Variants in MTR observed in about 807,000 individuals in gnomAD.
The protein encoded by MTR is methionine synthase.
A neutral mutation model predicts 154.8 loss-of-function variants in MTR; 84 were observed. The ratio of observed to expected loss-of-function variants is 0.54; its 90% CI spans 0.45 to 0.65. MTR has a LOEUF of 0.65. Among genes scored for constraint, MTR ranks in the 30% least tolerant of loss-of-function variants. The pLI, the probability that MTR is intolerant of heterozygous loss-of-function variation, is 0.00. For synonymous variants in MTR, 554 were observed against 553.9 expected (o/e 1.00, Z 0.00); for missense variants, 1,275 against 1,570.2 (o/e 0.81, Z 3.18).
intron 11 of MTR, among the ~76,000 whole-genome samples, chr1:236,827,990 T>TA (rs1418540177): frequency 6.6e-6 from 1 of 152,032 alleles, no homozygotes; most frequent in Admixed American, 6.6e-5. Context: ...TATATATATA[T>TA]TTTTTGGGAT....
intron 1 of MTR, among the ~76,000 whole-genome samples, chr1:236,798,493 A>G (rs928127026): frequency 2.0e-5 from 3 of 152,188 alleles, no homozygotes; most frequent in African/African-American, 7.2e-5. Flanking sequence ...GGGCACGGAA[A>G]AAAACCCCAC....
At chr1:236,815,523 G>T in intron 6 of MTR, 81 bp from the exon 7 acceptor site, 1 of 1,356,874 alleles carries the variant, frequency 7.4e-7, no homozygotes. Flanking sequence ...TCTTAGAAAA[G>T]GGTGCATTCT....
At chr1:236,882,224 T>A (rs150460200) in intron 25 of MTR, among the ~76,000 whole-genome samples, 231 of 152,310 alleles carry the variant, frequency 1.5e-3, no homozygotes, top group African/African-American at 5.4e-3. Context: ...TGGGCCTCTT[T>A]TTAACACTTG....
chr1:236,825,226 G>T, intron 9 of MTR, 112 bp from the exon 10 acceptor site: 3 of 531,678 alleles, frequency 5.6e-6, no homozygotes, highest in East Asian at 5.0e-5. Flanking sequence ...TTTGCAAGTA[G>T]TCACCATTTA....
At chr1:236,866,349 C>A (rs1040637682) in intron 22 of MTR, among the ~76,000 whole-genome samples, 1 of 152,042 alleles carries the variant, frequency 6.6e-6, no homozygotes, top group African/African-American at 2.4e-5. Context: ...TACCATGAAC[C>A]ACACCCATAG....
chr1:236,850,270 A>C (rs926017285), intron 15 of MTR, 74 bp from the exon 16 acceptor site: 2 of 934,846 alleles, frequency 2.1e-6, no homozygotes, highest in Non-Finnish European at 2.9e-6. Context: ...AAAATAAAAT[A>C]ACAGGTATTT....
intron 12 of MTR, among the ~76,000 whole-genome samples, chr1:236,829,767 C>T (rs1662503962): frequency 6.6e-6 from 1 of 152,168 alleles, no homozygotes; most frequent in Admixed American, 6.5e-5. Context: ...TGGTTCTCAA[C>T]AATCCTTTGA....
chr1:236,893,082 A>T (rs1180467369), intron 29 of MTR, among the ~76,000 whole-genome samples: 1 of 152,058 alleles, frequency 6.6e-6, no homozygotes, highest in Non-Finnish European at 1.5e-5. Context: ...GTAGGCTCTG[A>T]TTGCTGTCTC....
rs184158985 is a variant in MTR, at chr1:236,861,102, T to C, written c.2044-23T>C. The C allele has an allele frequency of 1.0e-3, 1,550 of 1,494,294 alleles. 17 individuals carry two copies. In the African/African-American group the frequency reaches 0.02, roughly 19 times the overall value. The allele number at this position is 1,494,294 out of a possible 1,614,324, so 92.6% of individuals were successfully genotyped here. On this transcript the variant is annotated intron_variant, in intron 19 of 32. Transcript: ENST00000366577. ...TTTTTTCTTTCTTTCTTTTTCTTTT[T>C]TTTTTTTTTTTGTCTTTTTTAGGGC...
chr1:236,824,262 CAT>C (rs765460416), intron 9 of MTR, 43 bp downstream of exon 9: 5 of 1,455,086 alleles, frequency 3.4e-6, no homozygotes, highest in Non-Finnish European at 4.8e-6. Context: ...ATAAAAATAA[CAT>C]AAGACATGGC....
At chr1:236,831,604 C>T (rs1056328285) in intron 12 of MTR, among the ~76,000 whole-genome samples, 1 of 152,228 alleles carries the variant, frequency 6.6e-6, no homozygotes, top group Non-Finnish European at 1.5e-5. Context: ...ACCCCTCTTT[C>T]AATTCTAACT....
chr1:236,838,213 A>G (rs1435774566), intron 14 of MTR, among the ~76,000 whole-genome samples: 2 of 152,260 alleles, frequency 1.3e-5, no homozygotes, highest in East Asian at 3.8e-4. Flanking sequence ...TGGCCCATGC[A>G]TGGAGTATCT....
At chr1:236,821,103 G>A (rs1027349650) in intron 8 of MTR, among the ~76,000 whole-genome samples, 10 of 152,220 alleles carry the variant, frequency 6.6e-5, no homozygotes, top group African/African-American at 2.4e-4. Context: ...ATAAAGAAAA[G>A]AGATTTATTT....
At chr1:236,815,339 A>T (rs1245479547) in intron 6 of MTR, among the ~76,000 whole-genome samples, 1 of 152,192 alleles carries the variant, frequency 6.6e-6, no homozygotes, top group African/African-American at 2.4e-5. Flanking sequence ...GGAAGAAAGA[A>T]TACCCCTTCA....
At chr1:236,862,757 G>A (rs1001210546) in intron 21 of MTR, among the ~76,000 whole-genome samples, 2 of 152,130 alleles carry the variant, frequency 1.3e-5, no homozygotes, top group African/African-American at 4.8e-5. Flanking sequence ...CTTTCTGCTG[G>A]TGATGTCCTT....
chr1:236,811,555 T>C, intron 5 of MTR: 2 of 455,438 alleles, frequency 4.4e-6, no homozygotes, highest in Non-Finnish European at 4.4e-6. Context: ...GTTTTTGGTT[T>C]ATGGAACTTT....
chr1:236,847,106 C>T lies in MTR; in HGVS notation c.1516-3238C>T, dbSNP rs140573648. 4.1e-3 allele frequency among the ~76,000 whole-genome samples: 618 copies of T among 152,180 alleles called. 4 individuals carry two copies. The highest frequency in any genetic ancestry group is 0.014 in the African/African-American group (599 of 41,522). On this transcript the variant is annotated intron_variant, in intron 15 of 32. Coordinates refer to ENST00000366577, the MANE Select transcript of MTR (RefSeq NM_000254.3). Reference sequence around the variant, plus strand: ...TTCACCATGTTGGCCAGGCTGTTCTCGAACTCCTGACCTCAGGTGATCCAC... The same window carrying T: ...TTCACCATGTTGGCCAGGCTGTTCTTGAACTCCTGACCTCAGGTGATCCAC...
chr1:236,851,611 A>G (rs1663909956), intron 16 of MTR, among the ~76,000 whole-genome samples: 1 of 152,228 alleles, frequency 6.6e-6, no homozygotes, highest in Non-Finnish European at 1.5e-5. Context: ...TATTTCTCCT[A>G]GGAGCAATGC....
intron 8 of MTR, chr1:236,819,902 G>A (rs1392595048): frequency 9.7e-6 from 9 of 929,768 alleles, no homozygotes; most frequent in Admixed American, 1.7e-5. Flanking sequence ...CCGTGCTGAA[G>A]TTTGCTGCTG....
Sources: allele counts gnomAD v4.1 joint callset (sites outside exome capture counted in the v4.1 genomes callset), GRCh38; gene constraint gnomAD v4.1.1; transcripts MANE v1.5; gene names NCBI Gene and HGNC (gene_info 2026-07-23, HGNC 2026-07-21).